Variants in GAS7 observed in about 807,000 individuals in gnomAD.
GAS7 encodes the protein growth arrest-specific protein 7.
In GAS7, 28 loss-of-function variants were observed where a neutral mutation model predicts 71.1. The observed-to-expected ratio is 0.39, with a 90% CI of 0.29 to 0.54. The LOEUF (loss-of-function observed/expected upper bound fraction) is 0.54, where lower values mean the gene tolerates loss of function less well. Among genes scored for constraint, GAS7 ranks in the 20% least tolerant of loss-of-function variants. The pLI is 0.62. For missense variants in GAS7, 436 were observed against 627.8 expected, an observed-to-expected ratio of 0.69 and a Z score of 3.27; for synonymous variants, 258 against 245.8, an observed-to-expected ratio of 1.05 and a Z score of -0.46.
At chr17:9,932,484 C>T (rs1368092363) in intron 9 of GAS7, among the ~76,000 whole-genome samples, 8 of 152,358 alleles carry the variant, frequency 5.3e-5, no homozygotes, top group Non-Finnish European at 1.2e-4. Flanking sequence ...TGAGCCACCA[C>T]GCCTGGCCCC....
chr17:10,007,887 G>A (rs769882092), intron 2 of GAS7, among the ~76,000 whole-genome samples: 29 of 146,174 alleles, frequency 2.0e-4, no homozygotes, highest in Non-Finnish European at 3.3e-4. Flanking sequence ...GCAGTCACTC[G>A]CCATTAATTC....
At chr17:10,066,967 T>C (rs1219628971) in intron 1 of GAS7, among the ~76,000 whole-genome samples, 1 of 152,164 alleles carries the variant, frequency 6.6e-6, no homozygotes, top group Non-Finnish European at 1.5e-5. Context: ...CAAAAAATAA[T>C]AATGATGATG....
At chr17:10,118,599 G>C (rs2073880898) in intron 1 of GAS7, among the ~76,000 whole-genome samples, 1 of 151,868 alleles carries the variant, frequency 6.6e-6, no homozygotes, top group Admixed American at 6.6e-5. Context: ...AGCTACCCTG[G>C]GGGCTGAGGC....
intron 1 of GAS7, among the ~76,000 whole-genome samples, chr17:10,028,244 C>T (rs1034437620): frequency 9.2e-5 from 14 of 152,104 alleles, no homozygotes; most frequent in South Asian, 6.2e-4. Context: ...CATGGTGGTA[C>T]GCATCTGTAG....
At chr17:9,937,076 C>T (rs1418060810) in intron 8 of GAS7, among the ~76,000 whole-genome samples, 3 of 152,194 alleles carry the variant, frequency 2.0e-5, no homozygotes, top group Non-Finnish European at 4.4e-5. Flanking sequence ...TGTCTTTGCA[C>T]GTTGTACGTA....
intron 1 of GAS7, among the ~76,000 whole-genome samples, chr17:10,089,966 G>C (rs969176399): frequency 6.6e-6 from 1 of 152,102 alleles, no homozygotes; most frequent in East Asian, 1.9e-4. Flanking sequence ...CCGGGAGTTC[G>C]AGACCAGCCC....
At chr17:10,154,913 T>TACACACACACACACACAC (rs57604032) in intron 1 of GAS7, among the ~76,000 whole-genome samples, 21 of 142,036 alleles carry the variant, frequency 1.5e-4, no homozygotes, top group African/African-American at 4.7e-4. Context: ...AACCCCAGGC[T>TACACACACACACACACAC]ACACACACAC....
intron 1 of GAS7, among the ~76,000 whole-genome samples, chr17:10,133,654 A>G (rs1182302912): frequency 6.6e-6 from 1 of 152,002 alleles, no homozygotes; most frequent in African/African-American, 2.4e-5. Context: ...CTCCTAACTA[A>G]ATTTTGTGTT....
At chr17:10,180,972 CA>C (rs1254332568) in intron 1 of GAS7, among the ~76,000 whole-genome samples, 1 of 150,058 alleles carries the variant, frequency 6.7e-6, no homozygotes, top group African/African-American at 2.5e-5. Context: ...AAGGATTCCA[CA>C]ATGTAGTGGG....
intron 1 of GAS7, among the ~76,000 whole-genome samples, chr17:10,130,174 A>G (rs995702864): frequency 6.7e-6 from 1 of 149,666 alleles, no homozygotes; most frequent in Non-Finnish European, 1.5e-5. Flanking sequence ...GCCTCAAAAA[A>G]AAAAACAAAA....
chr17:10,112,864 AAAAG>A (rs1427185840), intron 1 of GAS7, among the ~76,000 whole-genome samples: 2 of 152,134 alleles, frequency 1.3e-5, no homozygotes, highest in African/African-American at 4.8e-5. Context: ...GAAAAAAAGA[AAAAG>A]AAAAGAGAAA....
chr17:10,070,259 C>G (rs1399598913), intron 1 of GAS7, among the ~76,000 whole-genome samples: 2 of 151,388 alleles, frequency 1.3e-5, no homozygotes, highest in Non-Finnish European at 2.9e-5. Flanking sequence ...TTTGTGGCCA[C>G]TAAGTCCTGG....
intron 6 of GAS7, among the ~76,000 whole-genome samples, chr17:9,946,626 G>A (rs1471174391): frequency 3.3e-5 from 5 of 152,100 alleles, no homozygotes; most frequent in Non-Finnish European, 7.4e-5. Context: ...ACTGAGCATC[G>A]GAGAAAATGG....
chr17:10,165,256 C>T (rs1230219532), intron 1 of GAS7, among the ~76,000 whole-genome samples: 8 of 142,552 alleles, frequency 5.6e-5, no homozygotes, highest in Non-Finnish European at 1.0e-4. Flanking sequence ...CACACCACTG[C>T]ACTCCAGCCT....
chr17:10,010,481 A>G (rs1392466577), intron 2 of GAS7, among the ~76,000 whole-genome samples: 3 of 149,754 alleles, frequency 2.0e-5, no homozygotes, highest in Non-Finnish European at 4.4e-5. Context: ...AGGTATTGTC[A>G]AACTTTTTCT....
rs2072974572 is a variant in GAS7 at position 10,046,836 on chromosome 17, GGAAGGAAGGAAAGAAAAGAAAAGAA to G, written c.184-26964_184-26940del. On this transcript the variant is annotated intron_variant, in intron 1 of 13. Coordinates refer to ENST00000432992, the MANE Select transcript of GAS7 (RefSeq NM_201433.2). ...AGGAAGGAAGGAAGGAAGGAAGGAA[GGAAGGAAGGAAAGAAAAGAAAAGAA>G]AAAAGAAAAGAAAAGGAAAAGAAAA... is the stretch of plus-strand genomic sequence containing the variant. 5.1e-5 allele frequency among the ~76,000 whole-genome samples: 5 copies of G among 97,858 alleles called. 1 individual carries two copies. The highest frequency in any genetic ancestry group is 1.9e-4 in the Admixed American group (2 of 10,342). 64.2% of individuals were successfully genotyped at this position (97,858 alleles called of 152,430 possible).
intron 1 of GAS7, chr17:10,059,938 C>A: frequency 2.5e-6 from 1 of 401,854 alleles, no homozygotes; most frequent in Non-Finnish European, 3.4e-6. Flanking sequence ...CCACAGCCTT[C>A]CAGGGCAGCT....
chr17:9,949,586 G>GA (rs2152102004), intron 5 of GAS7, among the ~76,000 whole-genome samples: 1 of 152,190 alleles, frequency 6.6e-6, no homozygotes, highest in East Asian at 1.9e-4. Context: ...ACAAAAGAAG[G>GA]AGCCTCCTCC....
intron 2 of GAS7, among the ~76,000 whole-genome samples, chr17:9,995,407 G>C (rs979697918): frequency 2.0e-5 from 3 of 152,068 alleles, no homozygotes; most frequent in African/African-American, 7.3e-5. Flanking sequence ...CCAAGAAGGG[G>C]GCCAGGGAGA....
Sources: gnomAD v4.1 joint callset for allele counts (sites outside exome capture counted in the v4.1 genomes callset) on GRCh38, gnomAD v4.1.1 for gene constraint, MANE v1.5 for transcripts, NCBI Gene and HGNC (gene_info 2026-07-23, HGNC 2026-07-21) for gene names.